The following DARS1 variants were observed in gnomAD, a reference collection of about 807,000 sequenced individuals.
The protein encoded by DARS1 is aspartate--tRNA ligase, cytoplasmic.
Under a neutral mutation model 68.8 loss-of-function variants are expected in DARS1, and 51 were observed. The observed-to-expected ratio is 0.74, with a 90% CI of 0.59 to 0.94. The LOEUF (loss-of-function observed/expected upper bound fraction) is 0.94. DARS1 is among the 40% of genes least tolerant of loss of function. The pLI is 0.00. For missense variants in DARS1, 607 were observed against 597.3 expected, an observed-to-expected ratio of 1.02 and a Z score of -0.17; for synonymous variants, 203 against 190.4, an observed-to-expected ratio of 1.07 and a Z score of -0.55.
chr2:135,981,839 T>C (rs1046707381), intron 2 of DARS1, among the ~76,000 whole-genome samples: 3 of 152,016 alleles, frequency 2.0e-5, no homozygotes, highest in Non-Finnish European at 4.4e-5. Context: ...GCTAATTTTT[T>C]TACTTTCTGT....
intron 3 of DARS1, among the ~76,000 whole-genome samples, chr2:135,972,731 A>G (rs975232974): frequency 3.9e-5 from 6 of 152,340 alleles, no homozygotes; most frequent in African/African-American, 1.2e-4. Context: ...CTCTACAGGA[A>G]AAAAATCTAA....
chr2:135,908,574 C>T lies in DARS1; in HGVS notation c.1415-1167G>A, dbSNP rs117045416. ...TATTTCTCTGCAACCTTGTCAGCAT[C>T]TGTTGTTTCTCGACTTTTTAACAAT... is the stretch of plus-strand genomic sequence containing the variant. On this transcript the variant is annotated intron_variant, in intron 15 of 15. Transcript: ENST00000264161. 7.6e-3 allele frequency among the ~76,000 whole-genome samples: 1,159 copies of T among 152,312 alleles called. 98 individuals are homozygous for T. The East Asian group carries it at 0.19, about 26-fold the overall frequency.
chr2:135,958,303 ATAC>A (rs1187315989), intron 4 of DARS1, among the ~76,000 whole-genome samples: 1 of 152,228 alleles, frequency 6.6e-6, no homozygotes, highest in Admixed American at 6.5e-5. Flanking sequence ...TCCAACTGTT[ATAC>A]TACTAGTGAT....
chr2:135,959,258 G>A (rs562897529), intron 4 of DARS1, among the ~76,000 whole-genome samples: 1 of 151,860 alleles, frequency 6.6e-6, no homozygotes, highest in East Asian at 1.9e-4. Flanking sequence ...GGGCATGGTG[G>A]TGGCATATGC....
At chr2:135,910,991 T>G (rs1575381047) in intron 15 of DARS1, 148 bp downstream of exon 15, 2 of 559,730 alleles carry the variant, frequency 3.6e-6, no homozygotes, top group East Asian at 3.1e-5. Context: ...CAATAATATT[T>G]TATAACACAC....
chr2:135,945,951 T>C (rs921895792), intron 4 of DARS1, among the ~76,000 whole-genome samples: 5 of 152,212 alleles, frequency 3.3e-5, no homozygotes, highest in African/African-American at 1.2e-4. Context: ...AACTATTCCA[T>C]GATTTTGGAC....
At chr2:135,912,926 T>A (rs185644786) in intron 12 of DARS1, among the ~76,000 whole-genome samples, 1 of 151,704 alleles carries the variant, frequency 6.6e-6, no homozygotes, top group Admixed American at 6.5e-5. Context: ...AATCTCGCTA[T>A]GTTTGCCCAG....
At chr2:135,980,138 G>A (rs1318009149) in intron 2 of DARS1, among the ~76,000 whole-genome samples, 5 of 152,092 alleles carry the variant, frequency 3.3e-5, no homozygotes, top group African/African-American at 1.2e-4. Context: ...TTTCCCTATC[G>A]AGCCTTTTGG....
At chr2:135,944,088 T>A (rs1028244066) in intron 4 of DARS1, among the ~76,000 whole-genome samples, 2 of 152,016 alleles carry the variant, frequency 1.3e-5, no homozygotes, top group African/African-American at 4.8e-5. Context: ...AATAAATGCA[T>A]CTCCTGGACA....
At chr2:135,956,702 A>C (rs958076111) in intron 4 of DARS1, among the ~76,000 whole-genome samples, 1 of 152,186 alleles carries the variant, frequency 6.6e-6, no homozygotes, top group African/African-American at 2.4e-5. Flanking sequence ...TATTACACCC[A>C]TCTGTCCACT....
chr2:135,927,819 T>C (rs1490646023), intron 7 of DARS1, among the ~76,000 whole-genome samples: 1 of 152,196 alleles, frequency 6.6e-6, no homozygotes, highest in African/African-American at 2.4e-5. Flanking sequence ...AATAGTACTT[T>C]TAAATTCTAT....
At chr2:135,950,599 T>C (rs187743491) in intron 4 of DARS1, among the ~76,000 whole-genome samples, 57 of 152,342 alleles carry the variant, frequency 3.7e-4, no homozygotes, top group African/African-American at 1.3e-3. Context: ...AGAAGGGTGG[T>C]AGAATACTAA....
intron 5 of DARS1, among the ~76,000 whole-genome samples, chr2:135,941,353 C>T (rs554426723): frequency 1.1e-3 from 167 of 152,204 alleles, no homozygotes; most frequent in African/African-American, 2.1e-3. Context: ...GAAATAACAC[C>T]GCATATCTAC....
intron 15 of DARS1, among the ~76,000 whole-genome samples, chr2:135,908,831 C>A (rs1191454432): frequency 6.6e-6 from 1 of 152,096 alleles, no homozygotes; most frequent in Non-Finnish European, 1.5e-5. Context: ...GATACATGCA[C>A]GTGTATGTTC....
At chr2:135,939,038 A>C (rs112758679) in intron 5 of DARS1, among the ~76,000 whole-genome samples, 26,100 of 152,146 alleles carry the variant, frequency 0.17, 2,640 homozygotes, top group Middle Eastern at 0.41. Context: ...ACAGAGACTT[A>C]GACTTCCTCA....
intron 4 of DARS1, among the ~76,000 whole-genome samples, chr2:135,944,978 T>C (rs562744885): frequency 6.6e-6 from 1 of 152,274 alleles, no homozygotes; most frequent in East Asian, 1.9e-4. Context: ...CTGTCCCAAG[T>C]AGAGGTCCAC....
rs111346414 is a variant in DARS1, at chr2:135,923,874, C to T, written c.676+513G>A. ...ATCTACTAAACATACAAAATTGGCT[C>T]GGCGTGGTGGTGCATGCTTGTAATC... is the stretch of plus-strand genomic sequence containing the variant. On this transcript the variant is annotated intron_variant, in intron 8 of 15. Coordinates refer to ENST00000264161, the MANE Select transcript of DARS1 (RefSeq NM_001349.4). 8.9e-3 allele frequency among the ~76,000 whole-genome samples: 1,348 copies of T among 151,900 alleles called. 14 individuals are homozygous for T. The highest frequency in any genetic ancestry group is 0.029 in the African/African-American group (1,210 of 41,430).
intron 2 of DARS1, among the ~76,000 whole-genome samples, chr2:135,983,111 G>T (rs1682675712): frequency 6.6e-6 from 1 of 152,154 alleles, no homozygotes; most frequent in South Asian, 2.1e-4. Context: ...GACAACGGTT[G>T]AATCTTACCT....
At chr2:135,925,641 CATAAAACA>C (rs1681197438) in intron 7 of DARS1, among the ~76,000 whole-genome samples, 1 of 152,162 alleles carries the variant, frequency 6.6e-6, no homozygotes, top group African/African-American at 2.4e-5. Flanking sequence ...AATAGTTTCT[CATAAAACA>C]ATAAAACCAT....
Sources: allele counts gnomAD v4.1 joint callset (sites outside exome capture counted in the v4.1 genomes callset), GRCh38; gene constraint gnomAD v4.1.1; transcripts MANE v1.5; gene names NCBI Gene and HGNC (gene_info 2026-07-23, HGNC 2026-07-21).